STOML2: variants seen among roughly 807,000 people sequenced by gnomAD.
STOML2 encodes stomatin like 2.
Under a neutral mutation model 45.7 loss-of-function variants are expected in STOML2, and 22 were observed. That is an observed-to-expected ratio of 0.48 (90% CI 0.34 to 0.69). The LOEUF (loss-of-function observed/expected upper bound fraction) is 0.69. Among genes scored for constraint, STOML2 ranks in the 30% least tolerant of loss-of-function variants. The pLI, the probability that STOML2 is intolerant of heterozygous loss-of-function variation, is 0.01. For synonymous variants in STOML2, 181 were observed against 182.7 expected (o/e 0.99, Z 0.08); for missense variants, 359 against 466.9 (o/e 0.77, Z 2.13).
At position 35,100,980 on chromosome 9, in the gene STOML2, C is replaced by A. The variant is rs1053304196; in HGVS notation, c.756G>T (p.Lys252Asn). ...GGATTCGAATAGCTTCAGCTTTAGCCTTGGCCTTCGCCAGAACTGCACTGG... is the reference window on the plus strand; with the variant it reads ...GGATTCGAATAGCTTCAGCTTTAGCATTGGCCTTCGCCAGAACTGCACTGG... The part of the protein sequence containing the change: ...GEASAVLAKA[K>N]AKAEAIRILA... The change falls in exon 8 of 10, where the codon AAG becomes AAT. Residue 252 changes from lysine (K) to asparagine (N), a missense_variant. Transcript: ENST00000356493. The A allele has an allele frequency of 1.1e-5, 17 of 1,614,078 alleles. No individual in the cohort carries two copies. The Admixed American group carries it at 2.8e-4, about 27-fold the overall frequency.
chr9:35,101,914 T>A lies in STOML2; in HGVS notation c.332A>T (p.Asp111Val). ...GTAGGGGACAGGTACCTTGTAAGGG[T>A]CCATGATGCGCAGGTAAAGGACTCC... ...IDGVLYLRIM[D>V]PYKASYGVED... is the part of the protein sequence containing the mutation. Residue 111 changes from aspartate to valine, a missense_variant, in exon 4 of 10, where the codon GAC becomes GTC. Coordinates refer to ENST00000356493, the MANE Select transcript of STOML2 (RefSeq NM_013442.3). This position sits in a 1 kb window ranked among gnomAD's most constrained non-coding sequence, Gnocchi z 4.3. The A allele has an allele frequency of 6.2e-7, 1 of 1,613,796 alleles. No homozygotes were observed. Among genetic ancestry groups the A allele is most frequent in the Non-Finnish European group, 8.5e-7 (1 of 1,179,910 alleles).
rs1829829339 is a variant in STOML2 at position 35,102,061 on chromosome 9, C to A, written c.283+34G>T. 4 of 1,612,042 alleles carry A rather than the reference C, an allele frequency of 2.5e-6. No individual in the cohort carries two copies. The highest frequency in any genetic ancestry group is 3.4e-6 in the Non-Finnish European group (4 of 1,178,132). ...ATCTACAGCAACCACATCCTAATAGCCTCAGAGCACCCATGTCACCCTGAA... is the reference window on the plus strand; with the variant it reads ...ATCTACAGCAACCACATCCTAATAGACTCAGAGCACCCATGTCACCCTGAA... On this transcript the variant is annotated intron_variant, in intron 3 of 9. Coordinates refer to ENST00000356493, the MANE Select transcript of STOML2 (RefSeq NM_013442.3). This position sits in a 1 kb window ranked among gnomAD's most constrained non-coding sequence, Gnocchi z 4.8.
chr9:35,102,457 G>T lies in STOML2; in HGVS notation c.183+229C>A. 1 of 709,434 alleles carries T rather than the reference G, an allele frequency of 1.4e-6. No individual in the cohort carries two copies. The highest frequency in any genetic ancestry group is 2.3e-6 in the Non-Finnish European group (1 of 434,282). 43.9% of individuals were successfully genotyped at this position (709,434 alleles called of 1,614,324 possible). A position where few individuals can be genotyped will look rare whatever the true frequency, so the allele number is the denominator to read the frequency against. On this transcript the variant is annotated intron_variant, in intron 2 of 9. Coordinates refer to ENST00000356493, the MANE Select transcript of STOML2 (RefSeq NM_013442.3). This position sits in a 1 kb window ranked among gnomAD's most constrained non-coding sequence, Gnocchi z 4.8. The stretch of plus-strand genomic sequence containing the variant: ...ATAGCCATCTCTATGCAGACTGAGA[G>T]GTAGGGCTGAGAGTGGGCAGGGGAG...
At position 35,101,594 on chromosome 9, in the gene STOML2, C is replaced by A. The variant is rs369342521; in HGVS notation, c.445-34G>T. On this transcript the variant is annotated intron_variant, in intron 5 of 9. Coordinates refer to ENST00000356493, the MANE Select transcript of STOML2 (RefSeq NM_013442.3). This position sits in a 1 kb window ranked among gnomAD's most constrained non-coding sequence, Gnocchi z 4.3. ...AGAGGTGTAAGCCCCACAGCCTCAA[C>A]CTACCTATCAAGGGCCTACACTGAG... 1.9e-6 allele frequency: 3 copies of A among 1,613,884 alleles called. No individual in the cohort carries two copies. Among genetic ancestry groups the A allele is most frequent in the Non-Finnish European group, 2.5e-6 (3 of 1,180,042 alleles).
chr9:35,101,702 C>A lies in STOML2; in HGVS notation c.444+8G>T. ...TTCAAACCCTAACTCTGGCTCAGATCTGCTTACCCGGAAGACTTTGTCCAG... is the reference window on the plus strand; with the variant it reads ...TTCAAACCCTAACTCTGGCTCAGATATGCTTACCCGGAAGACTTTGTCCAG... On this transcript the variant is annotated splice_region_variant and intron_variant, in intron 5 of 9. Transcript: ENST00000356493. This position sits in a 1 kb window ranked among gnomAD's most constrained non-coding sequence, Gnocchi z 4.3. 1 of 1,614,130 alleles carries A rather than the reference C, an allele frequency of 6.2e-7. No individual in the cohort carries two copies. Among genetic ancestry groups the A allele is most frequent in the Non-Finnish European group, 8.5e-7 (1 of 1,180,026 alleles).
In STOML2 at chr9:35,101,689, C is replaced by T. The variant is rs1829821223; in HGVS notation, c.444+21G>A. On this transcript the variant is annotated intron_variant, in intron 5 of 9. Transcript: ENST00000356493. The surrounding 1 kb of genome is among the most constrained non-coding windows in gnomAD (Gnocchi z 4.3). ...TCAGGTTTGTGTCTTCAAACCCTAA[C>T]TCTGGCTCAGATCTGCTTACCCGGA... 7 of 1,614,038 alleles carry T rather than the reference C, an allele frequency of 4.3e-6. No homozygotes were observed. Among genetic ancestry groups the T allele is most frequent in the Non-Finnish European group, 5.1e-6 (6 of 1,180,018 alleles).
rs1470356187 is a variant in STOML2 at position 35,101,910 on chromosome 9, A to C, written c.336T>G (p.Pro112=). Residue 112 remains proline, a synonymous_variant, in exon 4 of 10, where the codon CCT becomes CCG. Coordinates refer to ENST00000356493, the MANE Select transcript of STOML2 (RefSeq NM_013442.3). This position sits in a 1 kb window ranked among gnomAD's most constrained non-coding sequence, Gnocchi z 4.3. The part of the protein sequence containing the change: ...DGVLYLRIMD[P]YKASYGVEDP... ...TAAAGTAGGGGACAGGTACCTTGTA[A>C]GGGTCCATGATGCGCAGGTAAAGGA... The C allele has an allele frequency of 6.2e-7, 1 of 1,614,198 alleles. No homozygotes were observed. The highest frequency in any genetic ancestry group is 1.3e-5 in the African/African-American group (1 of 75,050).
At chr9:35,100,461 C>A (rs1018680512) in intron 9 of STOML2, 137 bp downstream of exon 9, 27 of 1,217,946 alleles carry the variant, frequency 2.2e-5, no homozygotes, top group Middle Eastern at 2.9e-4. Context: ...GATTCCATCT[C>A]TACAAAGAAT....
chr9:35,102,248 C>A lies in STOML2; in HGVS notation c.184-54G>T. The A allele has an allele frequency of 6.7e-7, 1 of 1,493,686 alleles. No homozygotes were observed. The highest frequency in any genetic ancestry group is 1.4e-5 in the African/African-American group (1 of 71,926). The allele number at this position is 1,493,686 out of a possible 1,614,324, so 92.5% of individuals were successfully genotyped here. A position where few individuals can be genotyped will look rare whatever the true frequency, so the allele number is the denominator to read the frequency against. On this transcript the variant is annotated intron_variant, in intron 2 of 9. Coordinates refer to ENST00000356493, the MANE Select transcript of STOML2 (RefSeq NM_013442.3). The surrounding 1 kb of genome is among the most constrained non-coding windows in gnomAD (Gnocchi z 4.8). The stretch of plus-strand genomic sequence containing the variant: ...AGGCTGGGAACTATTGGGTTGGGAC[C>A]TAAGCTAGTCCTGGAGTATGTAGGG...
At position 35,102,024 on chromosome 9, in the gene STOML2, A is replaced by G; in HGVS notation, c.284-62T>C. 5.6e-6 allele frequency: 9 copies of G among 1,613,040 alleles called. No individual in the cohort carries two copies. The South Asian group carries it at 8.8e-5, about 16-fold the overall frequency. ...CTCTAGGTCCCAACCAGTTCTTTCTACTAAGCTCTGGATCTACAGCAACCA... is the reference window on the plus strand; with the variant it reads ...CTCTAGGTCCCAACCAGTTCTTTCTGCTAAGCTCTGGATCTACAGCAACCA... On this transcript the variant is annotated intron_variant, in intron 3 of 9. Transcript: ENST00000356493. The surrounding 1 kb of genome is among the most constrained non-coding windows in gnomAD (Gnocchi z 4.8).
At position 35,102,968 on chromosome 9, in the gene STOML2, A is replaced by G. The variant is rs1159064370; in HGVS notation, c.45+82T>C. 3 of 1,597,558 alleles carry G rather than the reference A, an allele frequency of 1.9e-6. No homozygotes were observed. The highest frequency in any genetic ancestry group is 1.7e-5 in the Admixed American group (1 of 57,892). ...TGACCTCTGACCCCAGTCCTCTCCAAAAGTTGGAATTTCGCTCTTTTCCAG... is the reference window on the plus strand; with the variant it reads ...TGACCTCTGACCCCAGTCCTCTCCAGAAGTTGGAATTTCGCTCTTTTCCAG... On this transcript the variant is annotated intron_variant, in intron 1 of 9. Coordinates refer to ENST00000356493, the MANE Select transcript of STOML2 (RefSeq NM_013442.3). The surrounding 1 kb of genome is among the most constrained non-coding windows in gnomAD (Gnocchi z 4.8).
chr9:35,102,567 T>G lies in STOML2; in HGVS notation c.183+119A>C. On this transcript the variant is annotated intron_variant, in intron 2 of 9. Transcript: ENST00000356493. This position sits in a 1 kb window ranked among gnomAD's most constrained non-coding sequence, Gnocchi z 4.8. The stretch of plus-strand genomic sequence containing the variant: ...TCAGCAGCCTGGGCCCTGTCAGGTC[T>G]GGCCTACAGAGTCGGGAGCTAACAG... The G allele has an allele frequency of 6.7e-7, 1 of 1,487,650 alleles. No individual in the cohort carries two copies. The highest frequency in any genetic ancestry group is 9.0e-7 in the Non-Finnish European group (1 of 1,108,830). 92.2% of individuals were successfully genotyped at this position (1,487,650 alleles called of 1,614,324 possible).
chr9:35,101,828 T>G lies in STOML2; in HGVS notation c.343-17A>C. ...GTAGCTTGCCTGAGATGGACACGGA[T>G]AGTGTAAGAAGCTTGGGCACAAGAT... is the stretch of plus-strand genomic sequence containing the variant. On this transcript the variant is annotated splice_polypyrimidine_tract_variant and intron_variant, in intron 4 of 9. Coordinates refer to ENST00000356493, the MANE Select transcript of STOML2 (RefSeq NM_013442.3). The surrounding 1 kb of genome is among the most constrained non-coding windows in gnomAD (Gnocchi z 4.3). 1 of 1,613,974 alleles carries G rather than the reference T, an allele frequency of 6.2e-7. No individual in the cohort carries two copies. The highest frequency in any genetic ancestry group is 8.5e-7 in the Non-Finnish European group (1 of 1,179,958).
At position 35,102,474 on chromosome 9, in the gene STOML2, G is replaced by C; in HGVS notation, c.183+212C>G. 1 of 785,448 alleles carries C rather than the reference G, an allele frequency of 1.3e-6. No homozygotes were observed. The highest frequency in any genetic ancestry group is 2.0e-6 in the Non-Finnish European group (1 of 500,484). The allele number at this position is 785,448 out of a possible 1,614,324, so 48.7% of individuals were successfully genotyped here. ...GACTGAGAGGTAGGGCTGAGAGTGG[G>C]CAGGGGAGATTCCCAAGAATGGGGC... On this transcript the variant is annotated intron_variant, in intron 2 of 9. Transcript: ENST00000356493. This position sits in a 1 kb window ranked among gnomAD's most constrained non-coding sequence, Gnocchi z 4.8.
In STOML2 at chr9:35,102,963, C is replaced by T; in HGVS notation, c.45+87G>A. 1 of 1,595,810 alleles carries T rather than the reference C, an allele frequency of 6.3e-7. No homozygotes were observed. The highest frequency in any genetic ancestry group is 8.6e-7 in the Non-Finnish European group (1 of 1,168,916). ...GACCATGACCTCTGACCCCAGTCCTCTCCAAAAGTTGGAATTTCGCTCTTT... is the reference window on the plus strand; with the variant it reads ...GACCATGACCTCTGACCCCAGTCCTTTCCAAAAGTTGGAATTTCGCTCTTT... On this transcript the variant is annotated intron_variant, in intron 1 of 9. Coordinates refer to ENST00000356493, the MANE Select transcript of STOML2 (RefSeq NM_013442.3). This position sits in a 1 kb window ranked among gnomAD's most constrained non-coding sequence, Gnocchi z 4.8.
In STOML2 at chr9:35,103,088, C is replaced by G; in HGVS notation, c.7G>C (p.Ala3Pro). The stretch of plus-strand genomic sequence containing the variant: ...GCCCCAGTGCCCCGCGCCGCGCGCG[C>G]CAGCATTTCCCACCGCCGCAGCGAC... The part of the protein sequence containing the change: ML[A>P]RAARGTGALL... Residue 3 changes from alanine (A) to proline (P), a missense_variant, in exon 1 of 10, where the codon GCG becomes CCG. Ala to Pro is a conservative substitution (Grantham distance 27). Transcript: ENST00000356493. 6.2e-7 allele frequency: 1 copy of G among 1,613,710 alleles called. No individual in the cohort carries two copies. The highest frequency in any genetic ancestry group is 8.5e-7 in the Non-Finnish European group (1 of 1,179,966).
chr9:35,102,198 G>C lies in STOML2; in HGVS notation c.184-4C>G. ...CAGGGATGAGGATGTTCAAACCCTG[G>C]AAAGAGGAGTCATGGGTCCTCAGAA... is the stretch of plus-strand genomic sequence containing the variant. On this transcript the variant is annotated splice_polypyrimidine_tract_variant and splice_region_variant and intron_variant, in intron 2 of 9. Coordinates refer to ENST00000356493, the MANE Select transcript of STOML2 (RefSeq NM_013442.3). The surrounding 1 kb of genome is among the most constrained non-coding windows in gnomAD (Gnocchi z 4.8). 6.2e-7 allele frequency: 1 copy of C among 1,613,500 alleles called. No individual in the cohort carries two copies. Among genetic ancestry groups the C allele is most frequent in the South Asian group, 1.1e-5 (1 of 91,050 alleles).
chr9:35,102,540 G>C lies in STOML2; in HGVS notation c.183+146C>G. 1 of 1,342,066 alleles carries C rather than the reference G, an allele frequency of 7.5e-7. No individual in the cohort carries two copies. Among genetic ancestry groups the C allele is most frequent in the Admixed American group, 2.3e-5 (1 of 44,132 alleles). 83.1% of individuals were successfully genotyped at this position (1,342,066 alleles called of 1,614,324 possible). A position where few individuals can be genotyped will look rare whatever the true frequency, so the allele number is the denominator to read the frequency against. ...GAAAAGGTGGTAACATGGGGATGAT[G>C]GTCAGCAGCCTGGGCCCTGTCAGGT... On this transcript the variant is annotated intron_variant, in intron 2 of 9. Transcript: ENST00000356493. The surrounding 1 kb of genome is among the most constrained non-coding windows in gnomAD (Gnocchi z 4.8).
Position 35,102,956 on chromosome 9 carries a change from C to A in STOML2, c.45+94G>T. 6.3e-7 allele frequency: 1 copy of A among 1,592,046 alleles called. No individual in the cohort carries two copies. Among genetic ancestry groups the A allele is most frequent in the Non-Finnish European group, 8.6e-7 (1 of 1,166,568 alleles). ...ACATGGGGACCATGACCTCTGACCC[C>A]AGTCCTCTCCAAAAGTTGGAATTTC... On this transcript the variant is annotated intron_variant, in intron 1 of 9. Transcript: ENST00000356493. The surrounding 1 kb of genome is among the most constrained non-coding windows in gnomAD (Gnocchi z 4.8).
Sources: gnomAD v4.1 joint callset for allele counts on GRCh38, gnomAD v4.1.1 for gene constraint, Gnocchi (gnomAD v3.1) non-coding constraint, MANE v1.5 for transcripts, NCBI Gene and HGNC (gene_info 2026-07-23, HGNC 2026-07-21) for gene names.